Variants in GABBR2 observed in about 807,000 individuals in gnomAD.
GABBR2 encodes gamma-aminobutyric acid type B receptor subunit 2, also known as G-protein coupled receptor 51.
GABBR2 carries 23 observed loss-of-function variants against 105.6 expected under a neutral mutation model. That is an observed-to-expected ratio of 0.22 (90% CI 0.16 to 0.31). The LOEUF is 0.31. Ranked by LOEUF, GABBR2 falls within the 10% of genes least tolerant of loss-of-function variation. GABBR2 has a pLI of 1.00. For missense variants in GABBR2, 734 were observed against 1,245.5 expected, an observed-to-expected ratio of 0.59 and a Z score of 6.18; for synonymous variants, 478 against 499.7, an observed-to-expected ratio of 0.96 and a Z score of 0.58.
At chr9:98,456,452 C>A (rs897534689) in intron 6 of GABBR2, among the ~76,000 whole-genome samples, 1 of 152,188 alleles carries the variant, frequency 6.6e-6, no homozygotes, top group Non-Finnish European at 1.5e-5. Context: ...TGCAATTTTC[C>A]TCCTTATGTG....
chr9:98,368,586 T>A (rs558193168), intron 12 of GABBR2, among the ~76,000 whole-genome samples: 1 of 152,318 alleles, frequency 6.6e-6, no homozygotes, highest in Non-Finnish European at 1.5e-5. Flanking sequence ...TTTCCCAATA[T>A]GTTTTGTCGA....
intron 1 of GABBR2, among the ~76,000 whole-genome samples, chr9:98,628,602 G>A (rs571567257): frequency 6.6e-6 from 1 of 152,156 alleles, no homozygotes; most frequent in African/African-American, 2.4e-5. Flanking sequence ...TAGCTACGCT[G>A]CTGTACTTGA....
chr9:98,331,507 C>T (rs1831026075), intron 13 of GABBR2, among the ~76,000 whole-genome samples: 1 of 150,934 alleles, frequency 6.6e-6, no homozygotes, highest in South Asian at 2.1e-4. Context: ...GCACTTGCCA[C>T]CTACACTGCC....
Position 98,557,428 on chromosome 9 carries a change from G to A in GABBR2, c.460-15385C>T, listed in dbSNP as rs1223777703. On this transcript the variant is annotated intron_variant, in intron 2 of 18. Transcript: ENST00000259455. ...AGAGGGAGCAAACTTACTGTGTGGGGTCTCAGAGGGAAAACCAGGGTCCAT... is the reference window on the plus strand; with the variant it reads ...AGAGGGAGCAAACTTACTGTGTGGGATCTCAGAGGGAAAACCAGGGTCCAT... Among the ~76,000 whole-genome samples the A allele has an allele frequency of 2.0e-5, 3 of 152,336 alleles. No homozygotes were observed. In the East Asian group the frequency reaches 5.8e-4, roughly 29 times the overall value.
intron 1 of GABBR2, among the ~76,000 whole-genome samples, chr9:98,583,405 G>A (rs1829029659): frequency 6.6e-6 from 1 of 152,356 alleles, no homozygotes; most frequent in South Asian, 2.1e-4. Flanking sequence ...AGTGAAAGAA[G>A]CACTGAGCTC....
At chr9:98,546,413 G>A (rs1828402418) in intron 2 of GABBR2, among the ~76,000 whole-genome samples, 1 of 152,100 alleles carries the variant, frequency 6.6e-6, no homozygotes, top group Non-Finnish European at 1.5e-5. Context: ...GAGCATAAAT[G>A]TTCATCACAA....
chr9:98,549,172 CT>C lies in GABBR2; in HGVS notation c.460-7130del, dbSNP rs980982503. Among the ~76,000 whole-genome samples, 8 of 121,964 alleles carry C rather than the reference CT, an allele frequency of 6.6e-5. 1 individual carries two copies. Among genetic ancestry groups the C allele is most frequent in the African/African-American group, 2.1e-4 (8 of 38,020 alleles). The allele number at this position is 121,964 out of a possible 152,430, so 80.0% of individuals were successfully genotyped here. ...TGTTGGACAGGCTGGTCTTGCGCTC[CT>C]GACCTCAGGTGATCCACCTGCTTTG... On this transcript the variant is annotated intron_variant, in intron 2 of 18. Coordinates refer to ENST00000259455, the MANE Select transcript of GABBR2 (RefSeq NM_005458.8).
intron 13 of GABBR2, among the ~76,000 whole-genome samples, chr9:98,328,637 G>T (rs531588996): frequency 6.6e-6 from 1 of 152,208 alleles, no homozygotes; most frequent in Non-Finnish European, 1.5e-5. Context: ...AGAATGAGCA[G>T]TGTAGCAGGG....
intron 17 of GABBR2, among the ~76,000 whole-genome samples, chr9:98,298,272 C>A (rs1000004572): frequency 2.6e-5 from 4 of 152,122 alleles, no homozygotes; most frequent in Non-Finnish European, 5.9e-5. Context: ...CACAAGTAGA[C>A]CCACCTCACT....
intron 13 of GABBR2, among the ~76,000 whole-genome samples, chr9:98,355,654 T>A (rs2131431862): frequency 6.6e-6 from 1 of 152,354 alleles, no homozygotes; most frequent in African/African-American, 2.4e-5. Flanking sequence ...ACTTCCCAAC[T>A]TGATCTATAC....
intron 2 of GABBR2, among the ~76,000 whole-genome samples, chr9:98,577,378 A>G (rs1828934799): frequency 6.6e-6 from 1 of 152,264 alleles, no homozygotes; most frequent in South Asian, 2.1e-4. Context: ...TCAATGATGT[A>G]TAAAATCTGC....
chr9:98,444,843 G>C (rs916539220), intron 7 of GABBR2, among the ~76,000 whole-genome samples: 1 of 150,432 alleles, frequency 6.6e-6, no homozygotes, highest in Non-Finnish European at 1.5e-5. Context: ...CAACGCATGC[G>C]TGCACGTGCA....
At chr9:98,481,926 G>A (rs1826931023) in intron 4 of GABBR2, among the ~76,000 whole-genome samples, 1 of 152,188 alleles carries the variant, frequency 6.6e-6, no homozygotes, top group African/African-American at 2.4e-5. Flanking sequence ...GGCTCTCATG[G>A]GTCAGGTAAA....
intron 5 of GABBR2, among the ~76,000 whole-genome samples, chr9:98,477,823 G>A (rs1275577586): frequency 6.6e-6 from 1 of 152,222 alleles, no homozygotes; most frequent in Non-Finnish European, 1.5e-5. Context: ...CAGTAAGGCA[G>A]TTAACAGTTA....
At chr9:98,487,833 C>T (rs77274586) in intron 4 of GABBR2, among the ~76,000 whole-genome samples, 2,158 of 152,040 alleles carry the variant, frequency 0.014, 24 homozygotes, top group South Asian at 0.031. Context: ...CCTGTGAGTA[C>T]GTTATGTCAC....
At chr9:98,490,883 C>T (rs749348486) in intron 4 of GABBR2, among the ~76,000 whole-genome samples, 37 of 152,120 alleles carry the variant, frequency 2.4e-4, no homozygotes, top group Non-Finnish European at 7.3e-5. Context: ...TAAAGGGCCT[C>T]GCGACTTCAT....
chr9:98,628,515 A>G (rs1470651329), intron 1 of GABBR2, among the ~76,000 whole-genome samples: 1 of 152,138 alleles, frequency 6.6e-6, no homozygotes, highest in Non-Finnish European at 1.5e-5. Context: ...GAAATTGCCC[A>G]TTTTAGATGG....
At chr9:98,422,387 C>A (rs1027223909) in intron 7 of GABBR2, among the ~76,000 whole-genome samples, 1 of 152,164 alleles carries the variant, frequency 6.6e-6, no homozygotes, top group Non-Finnish European at 1.5e-5. Context: ...GCGTCTGGCA[C>A]TACTTAGTCG....
rs113747643 is a variant in GABBR2, at chr9:98,388,619, CTGTGTGTGTGTGTG to C, written c.1529+221_1529+234del. 0.014 allele frequency among the ~76,000 whole-genome samples: 2,006 copies of C among 144,566 alleles called. 41 individuals carry two copies. The highest frequency in any genetic ancestry group is 0.044 in the African/African-American group (1,712 of 39,230). 94.8% of individuals were successfully genotyped at this position (144,566 alleles called of 152,430 possible). On this transcript the variant is annotated intron_variant, in intron 10 of 18. Coordinates refer to ENST00000259455, the MANE Select transcript of GABBR2 (RefSeq NM_005458.8). This position sits in a 1 kb window ranked among gnomAD's most constrained non-coding sequence, Gnocchi z 4.4. ...TCCTGTGCAACCAGCAGCCTGGCCTCTGTGTGTGTGTGTGTGTGTGTGTGTGTGTGTGTGTGTGT... is the reference window on the plus strand; with the variant it reads ...TCCTGTGCAACCAGCAGCCTGGCCTCTGTGTGTGTGTGTGTGTGTGTGTGT...
Sources: allele counts gnomAD v4.1 joint callset (sites outside exome capture counted in the v4.1 genomes callset), GRCh38; gene constraint gnomAD v4.1.1; non-coding constraint Gnocchi (gnomAD v3.1); transcripts MANE v1.5; gene names NCBI Gene and HGNC (gene_info 2026-07-23, HGNC 2026-07-21).